ANP32B: variants seen among roughly 807,000 people sequenced by gnomAD.
ANP32B encodes acidic nuclear phosphoprotein 32 family member B, also known as acidic leucine-rich nuclear phosphoprotein 32 family member B.
Under a neutral mutation model 32.2 loss-of-function variants are expected in ANP32B, and 6 were observed. The ratio of observed to expected loss-of-function variants is 0.19; its 90% confidence interval spans 0.10 to 0.37. ANP32B has a LOEUF of 0.37. ANP32B is among the 10% of genes least tolerant of loss of function. The probability of loss-of-function intolerance (pLI) is 1.00; values close to 1 mark genes in which losing one functional copy is unlikely to be tolerated. For missense variants in ANP32B, 204 were observed against 289.2 expected (o/e 0.71, Z 2.14); for synonymous variants, 98 against 105.8 (o/e 0.93, Z 0.45).
At chr9:98,012,394 A>G in intron 5 of ANP32B, 27 bp from the exon 6 acceptor site, 1 of 1,601,626 alleles carries the variant, frequency 6.2e-7, no homozygotes, top group Non-Finnish European at 8.5e-7. Context: ...GAATTAATTT[A>G]ATGTTATGCT....
chr9:97,983,546 A>G lies in ANP32B; in HGVS notation c.-10A>G. 1 of 1,572,848 alleles carries G rather than the reference A, an allele frequency of 6.4e-7. No homozygotes were observed. The highest frequency in any genetic ancestry group is 1.4e-5 in the African/African-American group (1 of 73,064). On this transcript the variant is annotated 5_prime_UTR_variant, in exon 1 of 7. Coordinates refer to ENST00000339399, the MANE Select transcript of ANP32B (RefSeq NM_006401.3). ...GAAAGTTAAGTTTGAAGAGGGGGGA[A>G]GAGGGGAACATGGACATGAAGAGGA...
At chr9:97,984,412 G>T (rs1398919198) in intron 1 of ANP32B, among the ~76,000 whole-genome samples, 2 of 151,506 alleles carry the variant, frequency 1.3e-5, no homozygotes, top group African/African-American at 2.4e-5. Context: ...CCCAGGGGCA[G>T]CCCGGGTCGA....
At chr9:98,013,702 C>T (rs956097578) in intron 6 of ANP32B, among the ~76,000 whole-genome samples, 3 of 152,014 alleles carry the variant, frequency 2.0e-5, no homozygotes, top group Middle Eastern at 3.2e-3. Flanking sequence ...AGTTCGAGAG[C>T]AGCCTGGCCA....
chr9:97,984,898 T>G (rs1827685339), intron 1 of ANP32B, among the ~76,000 whole-genome samples: 1 of 150,752 alleles, frequency 6.6e-6, no homozygotes, highest in African/African-American at 2.4e-5. Context: ...GGGCGGCCTC[T>G]GGCCTCCCAC....
At chr9:98,007,124 C>T (rs1352760506) in intron 4 of ANP32B, among the ~76,000 whole-genome samples, 1 of 152,152 alleles carries the variant, frequency 6.6e-6, no homozygotes, top group Non-Finnish European at 1.5e-5. Context: ...TGAAAGCTCC[C>T]ACTTCATCAA....
At chr9:98,002,999 C>T (rs1349292173) in intron 3 of ANP32B, among the ~76,000 whole-genome samples, 1 of 152,170 alleles carries the variant, frequency 6.6e-6, no homozygotes, top group Non-Finnish European at 1.5e-5. Context: ...AGTATGCTAG[C>T]TAGCCATCTG....
Position 98,011,271 on chromosome 9 carries a change from A to G in ANP32B, c.518A>G (p.Glu173Gly). ...TGAATCCCTTTTGGACTATTTTTAG[A>G]AGGAGAAGATGAGGAAGACGAGGAC... ...DGVDEEEEDE[E>G]GEDEEDEDDE... Residue 173 changes from glutamate to glycine, a missense_variant and splice_region_variant, in exon 5 of 7, where the codon GAA (glutamate) becomes GGA (glycine). By Grantham distance (98) the Glu-to-Gly change is moderately conservative (BLOSUM62 -2). Transcript: ENST00000339399. 1 of 1,551,188 alleles carries G rather than the reference A, an allele frequency of 6.4e-7. No homozygotes were observed. The highest frequency in any genetic ancestry group is 8.7e-7 in the Non-Finnish European group (1 of 1,146,664).
chr9:97,991,731 G>C (rs1317302926), intron 1 of ANP32B, among the ~76,000 whole-genome samples: 2 of 152,234 alleles, frequency 1.3e-5, no homozygotes, highest in East Asian at 3.9e-4. Flanking sequence ...CTTAGCAATG[G>C]ATTCTGAAAA....
At chr9:97,984,109 GC>G (rs1377609865) in intron 1 of ANP32B, among the ~76,000 whole-genome samples, 36 of 149,662 alleles carry the variant, frequency 2.4e-4, no homozygotes, top group African/African-American at 8.3e-4. Context: ...GCCGGAGCTC[GC>G]CGTGGGCGCC....
intron 1 of ANP32B, 54 bp downstream of exon 1, chr9:97,983,663 T>G: frequency 7.1e-7 from 1 of 1,411,632 alleles, no homozygotes; most frequent in Non-Finnish European, 9.6e-7. Flanking sequence ...CATGTAATGG[T>G]GGCCACCTGC....
intron 2 of ANP32B, among the ~76,000 whole-genome samples, chr9:97,997,455 A>G (rs564432298): frequency 6.6e-6 from 1 of 152,176 alleles, no homozygotes; most frequent in African/African-American, 2.4e-5. Context: ...CTTTCATGCT[A>G]TTCTAGGTAC....
At chr9:97,995,904 C>T (rs1827895864) in intron 2 of ANP32B, among the ~76,000 whole-genome samples, 2 of 137,944 alleles carry the variant, frequency 1.4e-5, no homozygotes, top group Non-Finnish European at 3.0e-5. Flanking sequence ...CCAGCCTGGG[C>T]GACAGAGCAA....
intron 3 of ANP32B, among the ~76,000 whole-genome samples, chr9:98,001,518 G>A (rs147470077): frequency 1.3e-5 from 2 of 152,296 alleles, no homozygotes; most frequent in African/African-American, 4.8e-5. Flanking sequence ...AAAGAACAGA[G>A]TAGCAGGCAG....
intron 4 of ANP32B, 84 bp downstream of exon 4, chr9:98,005,237 T>G: frequency 7.1e-7 from 1 of 1,399,640 alleles, no homozygotes; most frequent in Non-Finnish European, 9.8e-7. Context: ...CCGGGCGCAG[T>G]GGCACACAAC....
At chr9:97,986,238 C>T (rs568549328) in intron 1 of ANP32B, among the ~76,000 whole-genome samples, 32 of 152,370 alleles carry the variant, frequency 2.1e-4, no homozygotes, top group African/African-American at 7.2e-4. Flanking sequence ...AGTGCTCAGA[C>T]GTGACAAGTG....
At chr9:98,005,726 G>A (rs555333276) in intron 4 of ANP32B, among the ~76,000 whole-genome samples, 1 of 152,284 alleles carries the variant, frequency 6.6e-6, no homozygotes, top group South Asian at 2.1e-4. Flanking sequence ...CCTGGCCCGG[G>A]AAGCATTTCC....
intron 1 of ANP32B, among the ~76,000 whole-genome samples, chr9:97,983,895 T>G (rs1369394765): frequency 6.6e-6 from 1 of 151,784 alleles, no homozygotes; most frequent in African/African-American, 2.4e-5. Context: ...GGAGCGCGTG[T>G]GCAAGTGGCC....
chr9:98,004,940 G>A (rs1207724316), intron 3 of ANP32B, 24 bp from the exon 4 acceptor site: 2 of 1,583,730 alleles, frequency 1.3e-6, no homozygotes, highest in Non-Finnish European at 1.7e-6. Flanking sequence ...TTTAGGAGTT[G>A]TGGTTTTTGA....
chr9:97,999,280 T>C (rs1827952770), intron 3 of ANP32B, among the ~76,000 whole-genome samples: 1 of 152,246 alleles, frequency 6.6e-6, no homozygotes, highest in Non-Finnish European at 1.5e-5. Flanking sequence ...AATTCATGTA[T>C]TGACTATATA....
Sources: allele counts gnomAD v4.1 joint callset (sites outside exome capture counted in the v4.1 genomes callset), GRCh38; gene constraint gnomAD v4.1.1; transcripts MANE v1.5; gene names NCBI Gene and HGNC (gene_info 2026-07-23, HGNC 2026-07-21).